Variants in RAP1B observed in about 807,000 individuals in gnomAD.
RAP1B encodes the protein ras-related protein Rap-1b.
A neutral mutation model predicts 27.5 loss-of-function variants in RAP1B; 1 was observed. The observed-to-expected ratio is 0.04, with a 90% CI of 0.01 to 0.17. RAP1B has a LOEUF of 0.17. Ranked by LOEUF, RAP1B falls within the 10% of genes least tolerant of loss-of-function variation. The pLI is 1.00. For missense variants in RAP1B, 84 were observed against 214.8 expected, an observed-to-expected ratio of 0.39 and a Z score of 3.81; for synonymous variants, 75 against 73.1, an observed-to-expected ratio of 1.03 and a Z score of -0.13.
rs1003552094 is a variant in RAP1B, at chr12:68,671,093, G to A, written c.*11844G>A. The A allele has an allele frequency of 1.3e-4, 19 of 150,270 alleles. No homozygotes were observed. Among genetic ancestry groups the A allele is most frequent in the Non-Finnish European group, 1.5e-5 (1 of 67,692 alleles). 9.3% of individuals were successfully genotyped at this position (150,270 alleles called of 1,614,324 possible). ...AAATGGTTGAAAGATATATAACTAG[G>A]CAGTTTAGATAAGAACAAATCCAAA... On this transcript the variant is annotated 3_prime_UTR_variant, in exon 8 of 8. Coordinates refer to ENST00000250559, the MANE Select transcript of RAP1B (RefSeq NM_001010942.3).
rs577494496 is a variant in RAP1B, at chr12:68,654,354, G to GT, written c.324+102_324+103insT. The stretch of plus-strand genomic sequence containing the variant: ...TTTAAAGCTTGTGTATTTTGGTTGG[G>GT]GGGGGGGTGTTGGTTTTTTTAAACT... On this transcript the variant is annotated intron_variant, in intron 5 of 7. Transcript: ENST00000250559. The GT allele has an allele frequency of 4.1e-5, 19 of 468,782 alleles. 2 individuals carry two copies. Among genetic ancestry groups the GT allele is most frequent in the East Asian group, 2.0e-4 (2 of 10,010 alleles). The allele number at this position is 468,782 out of a possible 1,614,324, so 29.0% of individuals were successfully genotyped here.
chr12:68,657,296 C>A, intron 7 of RAP1B, 79 bp downstream of exon 7: 2 of 843,676 alleles, frequency 2.4e-6, no homozygotes, highest in Non-Finnish European at 3.8e-6. Flanking sequence ...CAAGTATAGA[C>A]TTCTTTTTGT....
chr12:68,651,887 T>G, intron 3 of RAP1B, 108 bp from the exon 4 acceptor site: 1 of 780,000 alleles, frequency 1.3e-6, no homozygotes, highest in East Asian at 2.6e-5. Context: ...GTTTGTAAAG[T>G]TGTTAAAATC....
intron 1 of RAP1B, among the ~76,000 whole-genome samples, chr12:68,617,817 G>A (rs1312091177): frequency 4.6e-5 from 7 of 151,852 alleles, no homozygotes; most frequent in African/African-American, 1.7e-4. Flanking sequence ...AGGCTGGAGT[G>A]CAGTGGCACA....
intron 5 of RAP1B, among the ~76,000 whole-genome samples, chr12:68,655,982 G>C (rs1365721310): frequency 1.3e-5 from 2 of 152,160 alleles, no homozygotes; most frequent in Non-Finnish European, 2.9e-5. Flanking sequence ...TTATGTAAAA[G>C]TGTCTTATTT....
rs1233411298 is a variant in RAP1B, at chr12:68,664,754, A to AT, written c.*5505_*5506insT. The AT allele has an allele frequency of 1.3e-5, 2 of 152,202 alleles. No individual in the cohort carries two copies. Among genetic ancestry groups the AT allele is most frequent in the African/African-American group, 4.8e-5 (2 of 41,460 alleles). 9.4% of individuals were successfully genotyped at this position (152,202 alleles called of 1,614,324 possible). Reference sequence around the variant, plus strand: ...CCAGTCTCTGCTGGCAAGGTGTTTAACAAGTCAATGATGGGAAAGACCAGT... The same window carrying AT: ...CCAGTCTCTGCTGGCAAGGTGTTTAATCAAGTCAATGATGGGAAAGACCAGT... On this transcript the variant is annotated 3_prime_UTR_variant, in exon 8 of 8. Transcript: ENST00000250559.
At chr12:68,643,259 C>T (rs1293249479) in intron 1 of RAP1B, among the ~76,000 whole-genome samples, 1 of 152,016 alleles carries the variant, frequency 6.6e-6, no homozygotes, top group Non-Finnish European at 1.5e-5. Context: ...TACTGATGTA[C>T]AAGTAGTTAA....
rs1318466757 is a variant in RAP1B at position 68,661,083 on chromosome 12, A to G, written c.*1834A>G. 6.6e-6 allele frequency: 1 copy of G among 152,208 alleles called. No individual in the cohort carries two copies. The highest frequency in any genetic ancestry group is 6.5e-5 in the Admixed American group (1 of 15,280). The allele number at this position is 152,208 out of a possible 1,614,324, so 9.4% of individuals were successfully genotyped here. ...AAAGTATTTGCCAGCTACTGGAGCA[A>G]TTAATCAGTGATAATATCTAATAGA... is the stretch of plus-strand genomic sequence containing the variant. On this transcript the variant is annotated 3_prime_UTR_variant, in exon 8 of 8. Transcript: ENST00000250559.
chr12:68,641,819 C>A (rs1873030364), intron 1 of RAP1B, among the ~76,000 whole-genome samples: 1 of 151,010 alleles, frequency 6.6e-6, no homozygotes, highest in South Asian at 2.1e-4. Context: ...GTAGAAAATA[C>A]TTTGAACAGT....
At chr12:68,616,121 AC>A (rs953685403) in intron 1 of RAP1B, among the ~76,000 whole-genome samples, 2 of 148,606 alleles carry the variant, frequency 1.3e-5, no homozygotes, top group Non-Finnish European at 1.5e-5. Context: ...CCGCCACCAC[AC>A]CTGGCTAATT....
intron 1 of RAP1B, among the ~76,000 whole-genome samples, chr12:68,632,055 TTTTTTC>T (rs1230456148): frequency 3.3e-5 from 5 of 151,886 alleles, no homozygotes; most frequent in African/African-American, 9.7e-5. Flanking sequence ...TGCAGGTTTT[TTTTTTC>T]TTTTTCTTTT....
At position 68,660,512 on chromosome 12, in the gene RAP1B, T is replaced by A. The variant is rs1874539331; in HGVS notation, c.*1263T>A. On this transcript the variant is annotated 3_prime_UTR_variant, in exon 8 of 8. Coordinates refer to ENST00000250559, the MANE Select transcript of RAP1B (RefSeq NM_001010942.3). ...TAAATTTGGATTGCCATGCAAGGGC[T>A]TGCATTATAATTACTTGCCACTTGA... is the stretch of plus-strand genomic sequence containing the variant. 1 of 152,678 alleles carries A rather than the reference T, an allele frequency of 6.5e-6. No individual in the cohort carries two copies. The highest frequency in any genetic ancestry group is 6.5e-5 in the Admixed American group (1 of 15,288). 9.5% of individuals were successfully genotyped at this position (152,678 alleles called of 1,614,324 possible).
At chr12:68,637,344 T>A (rs1019625138) in intron 1 of RAP1B, among the ~76,000 whole-genome samples, 1 of 152,078 alleles carries the variant, frequency 6.6e-6, no homozygotes, top group African/African-American at 2.4e-5. Flanking sequence ...ACGCCTGTAA[T>A]CCCAGCACTT....
Position 68,667,855 on chromosome 12 carries a change from A to G in RAP1B, c.*8606A>G, listed in dbSNP as rs1315111188. ...ATAAAAAGCAATAATACTTCCTGAAATACATCTTGGGCTCTTTGCAGAAGC... is the reference window on the plus strand; with the variant it reads ...ATAAAAAGCAATAATACTTCCTGAAGTACATCTTGGGCTCTTTGCAGAAGC... On this transcript the variant is annotated 3_prime_UTR_variant, in exon 8 of 8. Transcript: ENST00000250559. 6.6e-6 allele frequency: 1 copy of G among 152,210 alleles called. No homozygotes were observed. Among genetic ancestry groups the G allele is most frequent in the Non-Finnish European group, 1.5e-5 (1 of 68,038 alleles). 9.4% of individuals were successfully genotyped at this position (152,210 alleles called of 1,614,324 possible).
rs1481228824 is a variant in RAP1B, at chr12:68,660,586, T to C, written c.*1337T>C. On this transcript the variant is annotated 3_prime_UTR_variant, in exon 8 of 8. Transcript: ENST00000250559. Reference sequence around the variant, plus strand: ...CAGTGCTAGTAAATAAATACGGGTTTACCCTGGTTTTAATTGTAATAGGTG... The same window carrying C: ...CAGTGCTAGTAAATAAATACGGGTTCACCCTGGTTTTAATTGTAATAGGTG... 6.6e-6 allele frequency: 1 copy of C among 152,648 alleles called. No individual in the cohort carries two copies. The highest frequency in any genetic ancestry group is 1.5e-5 in the Non-Finnish European group (1 of 68,028). The allele number at this position is 152,648 out of a possible 1,614,324, so 9.5% of individuals were successfully genotyped here.
intron 6 of RAP1B, 119 bp from the exon 7 acceptor site, chr12:68,656,982 C>G: frequency 2.4e-6 from 2 of 840,646 alleles, no homozygotes; most frequent in Non-Finnish European, 3.7e-6. Flanking sequence ...CATTCCTTAG[C>G]TGAACAATTC....
At chr12:68,648,838 AGTTTTAG>A in intron 2 of RAP1B, 57 bp downstream of exon 2, 1 of 1,465,998 alleles carries the variant, frequency 6.8e-7, no homozygotes, top group Non-Finnish European at 9.3e-7. Flanking sequence ...TTTTCTGTTG[AGTTTTAG>A]GTTTTGATGA....
chr12:68,657,405 CATA>C, intron 7 of RAP1B, 188 bp downstream of exon 7: 1 of 405,260 alleles, frequency 2.5e-6, no homozygotes, highest in Non-Finnish European at 4.4e-6. Context: ...AAGTATTTCA[CATA>C]AGTATTCTTT....
rs1174092176 is a variant in RAP1B, at chr12:68,669,646, CAA to C, written c.*10401_*10402del. The C allele has an allele frequency of 6.6e-6, 1 of 152,198 alleles. No individual in the cohort carries two copies. Among genetic ancestry groups the C allele is most frequent in the African/African-American group, 2.4e-5 (1 of 41,498 alleles). The allele number at this position is 152,198 out of a possible 1,614,324, so 9.4% of individuals were successfully genotyped here. Reference sequence around the variant, plus strand: ...TGAAACCCCGTCTCTACTAAAAATACAAAAATTAGCCAGGCATGGTGGCAGGT... The same window carrying C: ...TGAAACCCCGTCTCTACTAAAAATACAAATTAGCCAGGCATGGTGGCAGGT... On this transcript the variant is annotated 3_prime_UTR_variant, in exon 8 of 8. Coordinates refer to ENST00000250559, the MANE Select transcript of RAP1B (RefSeq NM_001010942.3).
Sources: allele counts gnomAD v4.1 joint callset (sites outside exome capture counted in the v4.1 genomes callset), GRCh38; gene constraint gnomAD v4.1.1; transcripts MANE v1.5; gene names NCBI Gene and HGNC (gene_info 2026-07-23, HGNC 2026-07-21).